The following CD300E variants were observed in gnomAD, a reference collection of about 807,000 sequenced individuals.
CD300E encodes the protein CD300e molecule.
CD300E carries 14 observed loss-of-function variants against 20.9 expected under a neutral mutation model. That is an observed-to-expected ratio of 0.67 (90% confidence interval 0.44 to 1.05). The LOEUF (loss-of-function observed/expected upper bound fraction) is 1.05. Among genes scored for constraint, CD300E ranks in the 50% least tolerant of loss-of-function variants. The pLI is 0.00. For synonymous variants in CD300E, 102 were observed against 103.7 expected, an observed-to-expected ratio of 0.98 and a Z score of 0.10; for missense variants, 237 against 253.9, an observed-to-expected ratio of 0.93 and a Z score of 0.45.
In CD300E at chr17:74,612,224, G is replaced by GCTCTCTCTCT. The variant is rs1216264497; in HGVS notation, c.*419_*428dup. 4 of 94,970 alleles carry GCTCTCTCTCT rather than the reference G, an allele frequency of 4.2e-5. No homozygotes were observed. Among genetic ancestry groups the GCTCTCTCTCT allele is most frequent in the African/African-American group, 2.5e-4 (4 of 16,268 alleles). The allele number at this position is 94,970 out of a possible 1,614,324, so 5.9% of individuals were successfully genotyped here. A position where few individuals can be genotyped will look rare whatever the true frequency, so the allele number is the denominator to read the frequency against. On this transcript the variant is annotated 3_prime_UTR_variant, in exon 4 of 4. Transcript: ENST00000392619. Reference sequence around the variant, plus strand: ...TTTTCTCTCTCTCTCTCTCTCTCTCGCTCTCTCTCTCTCTCTCTCTCTGTC... The same window carrying GCTCTCTCTCT: ...TTTTCTCTCTCTCTCTCTCTCTCTCGCTCTCTCTCTCTCTCTCTCTCTCTCTCTCTCTGTC...
chr17:74,615,742 G>T (rs1197859880), intron 2 of CD300E, among the ~76,000 whole-genome samples: 1 of 152,152 alleles, frequency 6.6e-6, no homozygotes, highest in East Asian at 1.9e-4. Context: ...TGAGGGTTTT[G>T]TCAGGTAGAT....
Position 74,623,682 on chromosome 17 carries a change from A to G in CD300E, c.-61T>C. ...TAGGTCCCAGCTGGAATCCAAGTAT[A>G]TGTAACGGAGCCTGGGTCATCCACT... On this transcript the variant is annotated 5_prime_UTR_variant, in exon 1 of 4. Transcript: ENST00000392619. 1.3e-6 allele frequency: 2 copies of G among 1,567,626 alleles called. No individual in the cohort carries two copies. Among genetic ancestry groups the G allele is most frequent in the Non-Finnish European group, 1.8e-6 (2 of 1,137,616 alleles).
chr17:74,616,269 A>G (rs1421105760), intron 2 of CD300E, among the ~76,000 whole-genome samples: 1 of 152,064 alleles, frequency 6.6e-6, no homozygotes, highest in Non-Finnish European at 1.5e-5. Context: ...TGATTGATGA[A>G]AAGTTGTCAG....
intron 2 of CD300E, among the ~76,000 whole-genome samples, chr17:74,616,249 G>A (rs1432223553): frequency 6.6e-6 from 1 of 152,112 alleles, no homozygotes; most frequent in African/African-American, 2.4e-5. Context: ...GCATGAGGAT[G>A]GGGGAGAGCT....
chr17:74,611,483 G>A lies in CD300E; in HGVS notation c.*1170C>T, dbSNP rs1351019378. 1 of 152,302 alleles carries A rather than the reference G, an allele frequency of 6.6e-6. No homozygotes were observed. The highest frequency in any genetic ancestry group is 2.4e-5 in the African/African-American group (1 of 41,458). 9.4% of individuals were successfully genotyped at this position (152,302 alleles called of 1,614,324 possible). A position where few individuals can be genotyped will look rare whatever the true frequency, so the allele number is the denominator to read the frequency against. ...TCCCCACAAACTTTAGGGAAACAGA[G>A]TAATTGACAAACATTCAGAAAACCA... On this transcript the variant is annotated 3_prime_UTR_variant, in exon 4 of 4. Coordinates refer to ENST00000392619, the MANE Select transcript of CD300E (RefSeq NM_181449.3).
chr17:74,618,381 C>G (rs2143366498), intron 1 of CD300E, among the ~76,000 whole-genome samples: 1 of 152,280 alleles, frequency 6.6e-6, no homozygotes, highest in Non-Finnish European at 1.5e-5. Context: ...GAAAGAGAAA[C>G]AGTGATGAGG....
chr17:74,617,559 C>A, intron 1 of CD300E, 94 bp from the exon 2 acceptor site: 2 of 1,093,118 alleles, frequency 1.8e-6, no homozygotes, highest in Non-Finnish European at 2.6e-6. Context: ...GCCAGGGAGA[C>A]CTGGGTGTTT....
chr17:74,614,332 C>G (rs1289154762), intron 2 of CD300E, among the ~76,000 whole-genome samples: 3 of 152,114 alleles, frequency 2.0e-5, no homozygotes, highest in Non-Finnish European at 4.4e-5. Flanking sequence ...GGGCAGGGGT[C>G]TCTCTGGGCT....
chr17:74,615,686 C>A (rs888379458), intron 2 of CD300E, among the ~76,000 whole-genome samples: 42 of 152,168 alleles, frequency 2.8e-4, no homozygotes, highest in African/African-American at 9.7e-4. Context: ...TAGTCCTGGG[C>A]AAACTGGGAT....
intron 1 of CD300E, among the ~76,000 whole-genome samples, chr17:74,618,307 G>A (rs921689464): frequency 1.3e-5 from 2 of 152,218 alleles, no homozygotes; most frequent in Admixed American, 1.3e-4. Context: ...ACTGACAAGA[G>A]GCTTTGTTTG....
chr17:74,619,717 G>T (rs2030979727), intron 1 of CD300E, among the ~76,000 whole-genome samples: 1 of 152,156 alleles, frequency 6.6e-6, no homozygotes, highest in African/African-American at 2.4e-5. Context: ...CTTACTTTTA[G>T]CTCCCTCTGG....
chr17:74,619,348 C>T (rs1598151697), intron 1 of CD300E: 6 of 274,864 alleles, frequency 2.2e-5, no homozygotes, highest in South Asian at 1.3e-4. Context: ...CCCTTCAGAG[C>T]TGAATGTGTC....
chr17:74,619,276 C>G (rs878995090), intron 1 of CD300E: 5 of 395,402 alleles, frequency 1.3e-5, no homozygotes, highest in South Asian at 7.4e-5. Context: ...TGTGCTGCTT[C>G]CTAAAGGGAT....
Position 74,617,333 on chromosome 17 carries a change from C to T in CD300E, c.173G>A (p.Cys58Tyr), listed in dbSNP as rs778472202. Residue 58 changes from cysteine (C) to tyrosine (Y), a missense_variant, in exon 2 of 4, where the codon TGT becomes TAT. Cys to Tyr is a radical substitution (Grantham distance 194, BLOSUM62 -2). Transcript: ENST00000392619. ...YWCRGQYDTS[C>Y]ESIVETKGEE... The stretch of plus-strand genomic sequence containing the variant: ...TCCCTTGGTCTCCACAATGCTCTCA[C>T]ATGACGTGTCGTACTGTCCTCGGCA... The T allele has an allele frequency of 2.5e-6, 4 of 1,614,206 alleles. No homozygotes were observed. Among genetic ancestry groups the T allele is most frequent in the Non-Finnish European group, 2.5e-6 (3 of 1,180,034 alleles).
intron 2 of CD300E, among the ~76,000 whole-genome samples, chr17:74,614,398 A>T (rs2030853667): frequency 6.6e-6 from 1 of 151,918 alleles, no homozygotes; most frequent in South Asian, 2.1e-4. Flanking sequence ...GTCTAAAGGA[A>T]GATGGCTCAG....
At chr17:74,623,225 T>A (rs1353603299) in intron 1 of CD300E, among the ~76,000 whole-genome samples, 1 of 152,184 alleles carries the variant, frequency 6.6e-6, no homozygotes, top group Admixed American at 6.5e-5. Context: ...CAGTGACATC[T>A]CCCACCCTTC....
chr17:74,620,428 G>A (rs866354373), intron 1 of CD300E, among the ~76,000 whole-genome samples: 63 of 152,044 alleles, frequency 4.1e-4, no homozygotes, highest in African/African-American at 1.4e-3. Context: ...CCTAGATCAC[G>A]CCATGCACTC....
chr17:74,619,934 GA>G (rs1254496572), intron 1 of CD300E, among the ~76,000 whole-genome samples: 25 of 152,226 alleles, frequency 1.6e-4, no homozygotes, highest in African/African-American at 5.5e-4. Flanking sequence ...CCCTAGAAAA[GA>G]AAGGGCCTTC....
At chr17:74,615,590 G>A (rs561308580) in intron 2 of CD300E, among the ~76,000 whole-genome samples, 3 of 152,192 alleles carry the variant, frequency 2.0e-5, no homozygotes, top group Non-Finnish European at 4.4e-5. Flanking sequence ...AGCAGCGCTA[G>A]AGCAGGTGGA....
Sources: allele counts gnomAD v4.1 joint callset (sites outside exome capture counted in the v4.1 genomes callset), GRCh38; gene constraint gnomAD v4.1.1; transcripts MANE v1.5; gene names NCBI Gene and HGNC (gene_info 2026-07-23, HGNC 2026-07-21).